COLEC11: variants seen among roughly 807,000 people sequenced by gnomAD.
The protein encoded by COLEC11 is collectin subfamily member 11.
COLEC11 carries 20 observed loss-of-function variants against 27.3 expected under a neutral mutation model. That is an observed-to-expected ratio of 0.73 (90% CI 0.51 to 1.06). The LOEUF (loss-of-function observed/expected upper bound fraction) is 1.06, where lower values mean the gene tolerates loss of function less well. Among genes scored for constraint, COLEC11 ranks in the 50% least tolerant of loss-of-function variants. The pLI is 0.00. For missense variants in COLEC11, 310 were observed against 383.0 expected (o/e 0.81, Z 1.59); for synonymous variants, 163 against 154.7 (o/e 1.05, Z -0.40).
chr2:3,618,194 G>A (rs1663921902), intron 3 of COLEC11, among the ~76,000 whole-genome samples: 1 of 152,128 alleles, frequency 6.6e-6, no homozygotes, highest in Non-Finnish European at 1.5e-5. Context: ...TTGTTAGTTG[G>A]ATAGGTTAGT....
chr2:3,626,131 G>A, intron 3 of COLEC11: 1 of 1,547,198 alleles, frequency 6.5e-7, no homozygotes, highest in Non-Finnish European at 8.9e-7. Context: ...ACTTAAGTTG[G>A]ACCCTGAGAT....
intron 2 of COLEC11, among the ~76,000 whole-genome samples, chr2:3,608,398 G>A (rs926846149): frequency 2.6e-5 from 4 of 152,072 alleles, no homozygotes; most frequent in East Asian, 3.8e-4. Flanking sequence ...CATTGTGCTC[G>A]CTGGGTCTAC....
chr2:3,623,432 G>C (rs546940219), intron 3 of COLEC11, among the ~76,000 whole-genome samples: 2 of 151,926 alleles, frequency 1.3e-5, no homozygotes, highest in Admixed American at 1.3e-4. Context: ...GTGAATGTTA[G>C]CTTTCTTGAT....
intron 3 of COLEC11, among the ~76,000 whole-genome samples, chr2:3,617,124 G>C (rs1663816092): frequency 6.6e-6 from 1 of 150,578 alleles, no homozygotes. Flanking sequence ...TTCTGCTTTT[G>C]ATTTTTTCTT....
chr2:3,641,317 G>A lies in COLEC11; in HGVS notation c.328+986G>A, dbSNP rs759411266. 5 of 1,303,536 alleles carry A rather than the reference G, an allele frequency of 3.8e-6. No individual in the cohort carries two copies. The South Asian group carries it at 6.2e-5, about 16-fold the overall frequency. 80.7% of individuals were successfully genotyped at this position (1,303,536 alleles called of 1,614,324 possible). A position where few individuals can be genotyped will look rare whatever the true frequency, so the allele number is the denominator to read the frequency against. On this transcript the variant is annotated intron_variant, in intron 5 of 6. Coordinates refer to ENST00000349077, the MANE Select transcript of COLEC11 (RefSeq NM_024027.5). ...GCCGGTGTGACTTGGCTGAGTGTGA[G>A]TGCGCTGAGATCAGTGTCACTGACT...
At chr2:3,639,155 G>A (rs965288387) in intron 4 of COLEC11, among the ~76,000 whole-genome samples, 2 of 152,194 alleles carry the variant, frequency 1.3e-5, no homozygotes, top group East Asian at 1.9e-4. Flanking sequence ...CCTTTTTAGG[G>A]AATAATATTC....
At position 3,615,832 on chromosome 2, in the gene COLEC11, CGGCGGCTGGCCG is replaced by C. The variant is rs1558498932; in HGVS notation, c.202+2454_202+2465del. Among the ~76,000 whole-genome samples, 11 of 18,792 alleles carry C rather than the reference CGGCGGCTGGCCG, an allele frequency of 5.9e-4. No individual in the cohort carries two copies. In the South Asian group the frequency reaches 0.017, roughly 29 times the overall value. The allele number at this position is 18,792 out of a possible 152,430, so 12.3% of individuals were successfully genotyped here. ...CTGCCCCCCACCTCCCTCCCGGACG[CGGCGGCTGGCCG>C]GGCAGGGGCTGCCCCCCACCTCCCT... is the stretch of plus-strand genomic sequence containing the variant. On this transcript the variant is annotated intron_variant, in intron 3 of 6. Coordinates refer to ENST00000349077, the MANE Select transcript of COLEC11 (RefSeq NM_024027.5).
intron 3 of COLEC11, among the ~76,000 whole-genome samples, chr2:3,633,198 CG>C (rs1665140445): frequency 6.6e-6 from 1 of 152,272 alleles, no homozygotes; most frequent in East Asian, 1.9e-4. Context: ...AGACCAGGAC[CG>C]GGATGGTGAG....
At chr2:3,618,680 A>G (rs1223617084) in intron 3 of COLEC11, among the ~76,000 whole-genome samples, 1 of 152,184 alleles carries the variant, frequency 6.6e-6, no homozygotes, top group Non-Finnish European at 1.5e-5. Flanking sequence ...TTATGGTTTT[A>G]CATGAATTTT....
At chr2:3,621,352 C>T (rs1014410187) in intron 3 of COLEC11, among the ~76,000 whole-genome samples, 1 of 152,144 alleles carries the variant, frequency 6.6e-6, no homozygotes, top group Non-Finnish European at 1.5e-5. Context: ...TACGCCTATT[C>T]TGTTTTGGTT....
intron 2 of COLEC11, among the ~76,000 whole-genome samples, chr2:3,607,979 G>A (rs965871482): frequency 1.3e-5 from 2 of 152,218 alleles, no homozygotes; most frequent in African/African-American, 4.8e-5. Flanking sequence ...GTGGCCAGCA[G>A]GGATGTGAAG....
intron 1 of COLEC11, among the ~76,000 whole-genome samples, chr2:3,595,749 A>T (rs781400726): frequency 1.3e-5 from 2 of 152,190 alleles, no homozygotes; most frequent in Admixed American, 6.5e-5. Context: ...CAAAATTGGA[A>T]AGGAGGAAAG....
At position 3,604,099 on chromosome 2, in the gene COLEC11, C is replaced by T. The variant is rs112165636; in HGVS notation, c.-26-216C>T. On this transcript the variant is annotated intron_variant, in intron 1 of 6. Coordinates refer to ENST00000349077, the MANE Select transcript of COLEC11 (RefSeq NM_024027.5). ...GCTCACTGACCAGGGCTGGCATGCA[C>T]TTGGTGCCTGGTGCTGACCCTGGGG... 4 of 613,302 alleles carry T rather than the reference C, an allele frequency of 6.5e-6. No homozygotes were observed. The African/African-American group carries it at 7.4e-5, about 11-fold the overall frequency. The allele number at this position is 613,302 out of a possible 1,614,324, so 38.0% of individuals were successfully genotyped here.
intron 3 of COLEC11, among the ~76,000 whole-genome samples, chr2:3,632,556 T>G (rs1665099375): frequency 6.6e-6 from 1 of 152,232 alleles, no homozygotes; most frequent in African/African-American, 2.4e-5. Flanking sequence ...ACAGTCCTGT[T>G]GGACCAGGGC....
chr2:3,598,521 A>G (rs543236901), intron 1 of COLEC11, among the ~76,000 whole-genome samples: 1 of 152,352 alleles, frequency 6.6e-6, no homozygotes, highest in African/African-American at 2.4e-5. Flanking sequence ...TGTAGCTTGC[A>G]CAGATCACTT....
intron 3 of COLEC11, among the ~76,000 whole-genome samples, chr2:3,631,752 T>C (rs1665021409): frequency 6.6e-6 from 1 of 151,162 alleles, no homozygotes; most frequent in African/African-American, 2.5e-5. Context: ...CGGAGGGGGC[T>C]CTGCTCGGAG....
At chr2:3,623,600 T>C (rs1664326365) in intron 3 of COLEC11, among the ~76,000 whole-genome samples, 1 of 152,196 alleles carries the variant, frequency 6.6e-6, no homozygotes, top group Non-Finnish European at 1.5e-5. Flanking sequence ...GTCTGCTGTA[T>C]TTTAAATTTT....
chr2:3,616,847 T>G (rs1460247244), intron 3 of COLEC11, among the ~76,000 whole-genome samples: 1 of 152,146 alleles, frequency 6.6e-6, no homozygotes, highest in Non-Finnish European at 1.5e-5. Context: ...TGGAACATTC[T>G]TATTTCACTT....
At chr2:3,626,484 A>G (rs1664566062) in intron 3 of COLEC11, among the ~76,000 whole-genome samples, 2 of 152,172 alleles carry the variant, frequency 1.3e-5, no homozygotes, top group South Asian at 4.1e-4. Context: ...GGAAGGATAG[A>G]CGCACAATGT....
Sources: gnomAD v4.1 joint callset for allele counts (sites outside exome capture counted in the v4.1 genomes callset) on GRCh38, gnomAD v4.1.1 for gene constraint, MANE v1.5 for transcripts, NCBI Gene and HGNC (gene_info 2026-07-23, HGNC 2026-07-21) for gene names.